The following GIMAP8 variants were observed in gnomAD, a reference collection of about 807,000 sequenced individuals.
The protein encoded by GIMAP8 is GTPase IMAP family member 8.
In GIMAP8, 29 loss-of-function variants were observed where a neutral mutation model predicts 35.6. The observed-to-expected ratio is 0.81, with a 90% CI of 0.61 to 1.11. The LOEUF is 1.11. GIMAP8 is among the 50% of genes most tolerant of loss of function. GIMAP8 has a pLI of 0.00. For missense variants in GIMAP8, 811 were observed against 805.0 expected (o/e 1.01, Z -0.09); for synonymous variants, 335 against 308.7 (o/e 1.09, Z -0.89).
At chr7:150,454,632 T>A (rs1801688692) in intron 1 of GIMAP8, among the ~76,000 whole-genome samples, 1 of 152,160 alleles carries the variant, frequency 6.6e-6, no homozygotes, top group African/African-American at 2.4e-5. Flanking sequence ...AGGCTGCACA[T>A]TCTTTTTGAG....
chr7:150,470,768 T>TTC (rs1802071622), intron 2 of GIMAP8, 61 bp from the exon 3 acceptor site: 2 of 524,798 alleles, frequency 3.8e-6, no homozygotes, highest in South Asian at 2.1e-5. Flanking sequence ...TTTTTTTTTT[T>TTC]CAGTTTGTGG....
chr7:150,473,333 G>A (rs1802137240), intron 3 of GIMAP8, among the ~76,000 whole-genome samples: 1 of 151,846 alleles, frequency 6.6e-6, no homozygotes, highest in African/African-American at 2.4e-5. Context: ...CAAACAGCTT[G>A]ATGCCTTTTT....
Position 150,466,776 on chromosome 7 carries a change from A to G in GIMAP8, c.78A>G (p.Thr26=), listed in dbSNP as rs918140429. The G allele has an allele frequency of 6.8e-6, 11 of 1,614,118 alleles. No homozygotes were observed. The highest frequency in any genetic ancestry group is 5.0e-5 in the Admixed American group (3 of 60,012). ...LGKCRSGKSA[T]GNAILGKHVF... ...AATGCCGCTCGGGAAAAAGTGCCAC[A>G]GGAAATGCCATTCTGGGCAAACATG... The change falls in exon 2 of 5, where the codon ACA becomes ACG. Residue 26 remains threonine (T), a synonymous_variant. Coordinates refer to ENST00000307271, the MANE Select transcript of GIMAP8 (RefSeq NM_175571.4).
In GIMAP8 at chr7:150,466,879, G is replaced by A; in HGVS notation, c.181G>A (p.Val61Ile). ...RESWVLRERKVVVIDTPDLFS... is the reference protein window; with the variant it reads ...RESWVLRERKIVVIDTPDLFS... ...GAGTTGGGTCCTGAGAGAAAGGAAG[G>A]TTGTGGTAATTGACACCCCTGACCT... The change falls in exon 2 of 5, where the codon GTT becomes ATT. Residue 61 changes from valine (V) to isoleucine (I), a missense_variant. Physicochemically the swap from Val to Ile is conservative, Grantham distance 29. Coordinates refer to ENST00000307271, the MANE Select transcript of GIMAP8 (RefSeq NM_175571.4). The A allele has an allele frequency of 6.2e-7, 1 of 1,614,244 alleles. No individual in the cohort carries two copies. The highest frequency in any genetic ancestry group is 1.1e-5 in the South Asian group (1 of 91,088).
intron 1 of GIMAP8, among the ~76,000 whole-genome samples, chr7:150,460,341 C>G (rs1033589392): frequency 2.0e-5 from 3 of 152,232 alleles, no homozygotes; most frequent in African/African-American, 7.2e-5. Flanking sequence ...TTCACCCATT[C>G]TGAGAAGTCT....
rs909925348 is a variant in GIMAP8, at chr7:150,466,994, T to C, written c.296T>C (p.Leu99Ser). The change falls in exon 2 of 5, where the codon TTG (leucine) becomes TCG (serine). Residue 99 changes from leucine to serine, a missense_variant. Transcript: ENST00000307271. Reference sequence around the variant, plus strand: ...GCTCCCAGCCTCCATGCTCTGCTCTTGGTAATTGCCATCGGCCATTTCACA... The same window carrying C: ...GCTCCCAGCCTCCATGCTCTGCTCTCGGTAATTGCCATCGGCCATTTCACA... ...LSAPSLHALL[L>S]VIAIGHFTRE... is the part of the protein sequence containing the mutation. 6.2e-7 allele frequency: 1 copy of C among 1,614,236 alleles called. No homozygotes were observed. The highest frequency in any genetic ancestry group is 8.5e-7 in the Non-Finnish European group (1 of 1,180,038).
At chr7:150,457,882 T>C (rs1234093494) in intron 1 of GIMAP8, among the ~76,000 whole-genome samples, 1 of 152,218 alleles carries the variant, frequency 6.6e-6, no homozygotes, top group Non-Finnish European at 1.5e-5. Context: ...ACCTTGCTCA[T>C]GGGCAGTTCT....
rs188409525 is a variant in GIMAP8, at chr7:150,462,631, T to A, written c.-28-4040T>A. On this transcript the variant is annotated intron_variant, in intron 1 of 4. Transcript: ENST00000307271. ...GTGTATAGTATTCTTGGCCAAAAAA[T>A]TTTTTTTTCCAGTACTTTGAATATA... is the stretch of plus-strand genomic sequence containing the variant. 3.1e-3 allele frequency among the ~76,000 whole-genome samples: 470 copies of A among 150,462 alleles called. 1 individual carries two copies. Among genetic ancestry groups the A allele is most frequent in the African/African-American group, 9.4e-3 (381 of 40,524 alleles).
In GIMAP8 at chr7:150,467,143, G is replaced by A; in HGVS notation, c.445G>A (p.Glu149Lys). ...LGDDLLQDFI[E>K]KNKPLKQLVQ... is the part of the protein sequence containing the mutation. ...GGATGACTTGCTGCAAGATTTCATT[G>A]AAAAAAACAAACCTCTCAAGCAGTT... The change falls in exon 2 of 5, where the codon GAA becomes AAA. Residue 149 changes from glutamate (E) to lysine (K), a missense_variant. Coordinates refer to ENST00000307271, the MANE Select transcript of GIMAP8 (RefSeq NM_175571.4). 6.2e-7 allele frequency: 1 copy of A among 1,614,104 alleles called. No individual in the cohort carries two copies. Among genetic ancestry groups the A allele is most frequent in the Non-Finnish European group, 8.5e-7 (1 of 1,179,996 alleles).
At chr7:150,473,900 C>T (rs1802152413) in intron 3 of GIMAP8, 112 bp from the exon 4 acceptor site, 10 of 1,093,382 alleles carry the variant, frequency 9.1e-6, no homozygotes, top group African/African-American at 1.6e-5. Context: ...ACTGGTTTAC[C>T]GTGTTGTTGC....
chr7:150,468,218 C>T (rs898868424), intron 2 of GIMAP8, among the ~76,000 whole-genome samples: 8 of 152,200 alleles, frequency 5.3e-5, no homozygotes, highest in Non-Finnish European at 1.2e-4. Flanking sequence ...TGATTTTCTC[C>T]TCATGTATTC....
At chr7:150,470,767 T>TAA in intron 2 of GIMAP8, 62 bp from the exon 3 acceptor site, 3 of 655,318 alleles carry the variant, frequency 4.6e-6, no homozygotes, top group Non-Finnish European at 7.5e-6. Flanking sequence ...TTTTTTTTTT[T>TAA]TCAGTTTGTG....
At chr7:150,456,865 G>A (rs985909135) in intron 1 of GIMAP8, among the ~76,000 whole-genome samples, 4 of 152,174 alleles carry the variant, frequency 2.6e-5, no homozygotes, top group African/African-American at 9.7e-5. Context: ...GTTCTAAATT[G>A]TGTAAGAAAT....
Position 150,477,318 on chromosome 7 carries a change from G to A in GIMAP8, c.1536G>A (p.Glu512=). 6.2e-7 allele frequency: 1 copy of A among 1,614,178 alleles called. No homozygotes were observed. Among genetic ancestry groups the A allele is most frequent in the South Asian group, 1.1e-5 (1 of 91,086 alleles). ...DVEKDPSRLE[E]EVKRCLSCCE... is the part of the protein sequence containing the mutation. ...AAAAGGACCCATCCCGGTTAGAAGA[G>A]GAGGTCAAGCGCTGTTTGTCCTGCT... The change falls in exon 5 of 5, where the codon GAG becomes GAA. Residue 512 remains glutamate, a synonymous_variant. Coordinates refer to ENST00000307271, the MANE Select transcript of GIMAP8 (RefSeq NM_175571.4).
intron 4 of GIMAP8, among the ~76,000 whole-genome samples, chr7:150,475,447 T>C (rs1802207522): frequency 1.3e-5 from 2 of 152,224 alleles, no homozygotes; most frequent in African/African-American, 2.4e-5. Context: ...ATCTTTACTA[T>C]CTCTTCAACT....
intron 1 of GIMAP8, among the ~76,000 whole-genome samples, chr7:150,466,470 C>T (rs1018475172): frequency 5.3e-5 from 8 of 151,910 alleles, no homozygotes; most frequent in Non-Finnish European, 8.8e-5. Flanking sequence ...TAAAAGAGAT[C>T]TCTAGGTTTG....
At chr7:150,469,311 C>T (rs1305824440) in intron 2 of GIMAP8, among the ~76,000 whole-genome samples, 2 of 152,138 alleles carry the variant, frequency 1.3e-5, no homozygotes, top group Admixed American at 1.3e-4. Flanking sequence ...TCAGGGAGTC[C>T]TCCCTGACCA....
In GIMAP8 at chr7:150,474,293, A is replaced by G; in HGVS notation, c.964A>G (p.Thr322Ala). 1.2e-6 allele frequency: 2 copies of G among 1,614,218 alleles called. No homozygotes were observed. Among genetic ancestry groups the G allele is most frequent in the Non-Finnish European group, 1.7e-6 (2 of 1,180,012 alleles). Residue 322 changes from threonine to alanine, a missense_variant, in exon 4 of 5, where the codon ACA becomes GCA. Transcript: ENST00000307271. Reference sequence around the variant, plus strand: ...CTCAGAAGTTAGAAAACACATCTGTACAGGCCCCCATGCCTTCCTGCTGGT... The same window carrying G: ...CTCAGAAGTTAGAAAACACATCTGTGCAGGCCCCCATGCCTTCCTGCTGGT... ...IDSEVRKHIC[T>A]GPHAFLLVTP...
At chr7:150,466,535 A>G in intron 1 of GIMAP8, 136 bp from the exon 2 acceptor site, 2 of 676,922 alleles carry the variant, frequency 3.0e-6, no homozygotes, top group Non-Finnish European at 4.9e-6. Flanking sequence ...GTTCTAATCT[A>G]GTCTGGGTCT....
Sources: allele counts gnomAD v4.1 joint callset (sites outside exome capture counted in the v4.1 genomes callset), GRCh38; gene constraint gnomAD v4.1.1; transcripts MANE v1.5; gene names NCBI Gene and HGNC (gene_info 2026-07-23, HGNC 2026-07-21).